STAG1: variants seen among roughly 807,000 people sequenced by gnomAD.
STAG1 encodes the protein cohesin subunit SA-1.
STAG1 carries 26 observed loss-of-function variants against 170.9 expected under a neutral mutation model. The observed-to-expected ratio is 0.15, with a 90% CI of 0.11 to 0.21. STAG1 has a LOEUF of 0.21. STAG1 is among the 10% of genes least tolerant of loss of function. STAG1 has a pLI of 1.00. For synonymous variants in STAG1, 514 were observed against 497.7 expected (o/e 1.03, Z -0.44); for missense variants, 964 against 1,509.5 (o/e 0.64, Z 5.99).
chr3:136,347,216 T>C (rs1336486839), intron 29 of STAG1, among the ~76,000 whole-genome samples: 1 of 151,276 alleles, frequency 6.6e-6, no homozygotes, highest in Non-Finnish European at 1.5e-5. Flanking sequence ...GCCAACATGG[T>C]GAACCCCTAT....
At chr3:136,407,580 G>A (rs2087518613) in intron 21 of STAG1, among the ~76,000 whole-genome samples, 1 of 151,746 alleles carries the variant, frequency 6.6e-6, no homozygotes, top group Admixed American at 6.6e-5. Context: ...TCATGCCTCA[G>A]CCTCTCAAGT....
At chr3:136,744,673 C>CT (rs34241550) in intron 1 of STAG1, among the ~76,000 whole-genome samples, 25,558 of 117,454 alleles carry the variant, frequency 0.22, 3,651 homozygotes, top group Middle Eastern at 0.34. Context: ...CTGCAACCAT[C>CT]TTTTTTTTTT....
At chr3:136,602,603 C>A (rs1938726048) in intron 4 of STAG1, among the ~76,000 whole-genome samples, 1 of 152,022 alleles carries the variant, frequency 6.6e-6, no homozygotes, top group South Asian at 2.1e-4. Flanking sequence ...GTAATCCCAG[C>A]ACTTTGGAAG....
chr3:136,353,744 CA>C (rs1372046793), intron 28 of STAG1, among the ~76,000 whole-genome samples: 1 of 152,068 alleles, frequency 6.6e-6, no homozygotes, highest in Non-Finnish European at 1.5e-5. Flanking sequence ...GGAAGTTAGT[CA>C]AGTTGAAAGC....
chr3:136,654,936 G>A (rs920242440), intron 1 of STAG1, among the ~76,000 whole-genome samples: 3 of 152,096 alleles, frequency 2.0e-5, no homozygotes, highest in Non-Finnish European at 4.4e-5. Context: ...GGAAAAACTG[G>A]GTAGCCACAT....
chr3:136,723,782 T>TG lies in STAG1; in HGVS notation c.-84+28412dup, dbSNP rs1381120804. 9.9e-5 allele frequency among the ~76,000 whole-genome samples: 11 copies of TG among 111,624 alleles called. No homozygotes were observed. In the South Asian group the frequency reaches 2.0e-3, roughly 20 times the overall value. The allele number at this position is 111,624 out of a possible 152,430, so 73.2% of individuals were successfully genotyped here. Reference sequence around the variant, plus strand: ...CCAGCCGCCCCGTCCGGGAAGGAGGTGGGGGGGTCAGCCCCCCGCCCGGCC... The same window carrying TG: ...CCAGCCGCCCCGTCCGGGAAGGAGGTGGGGGGGGTCAGCCCCCCGCCCGGCC... On this transcript the variant is annotated intron_variant, in intron 1 of 33. Coordinates refer to ENST00000383202, the MANE Select transcript of STAG1 (RefSeq NM_005862.3).
At chr3:136,453,991 A>G (rs2089026187) in intron 13 of STAG1, among the ~76,000 whole-genome samples, 1 of 152,040 alleles carries the variant, frequency 6.6e-6, no homozygotes, top group East Asian at 1.9e-4. Context: ...CTATATCTAT[A>G]ATCTATATAG....
chr3:136,547,892 G>A (rs1310143183), intron 5 of STAG1, among the ~76,000 whole-genome samples: 5 of 152,050 alleles, frequency 3.3e-5, no homozygotes, highest in Non-Finnish European at 7.4e-5. Context: ...TGATTTTTGA[G>A]TTAAAGTGTA....
chr3:136,678,337 A>G (rs932668028), intron 1 of STAG1, among the ~76,000 whole-genome samples: 1 of 152,004 alleles, frequency 6.6e-6, no homozygotes, highest in East Asian at 1.9e-4. Context: ...ACATCAATAT[A>G]TAAATAAAAT....
intron 6 of STAG1, among the ~76,000 whole-genome samples, chr3:136,527,871 G>T (rs938655618): frequency 6.6e-6 from 1 of 152,102 alleles, no homozygotes; most frequent in African/African-American, 2.4e-5. Context: ...GTTTTCCTGG[G>T]TATCAGCAGC....
chr3:136,629,516 C>A (rs1030471983), intron 2 of STAG1, among the ~76,000 whole-genome samples: 1 of 151,514 alleles, frequency 6.6e-6, no homozygotes, highest in African/African-American at 2.4e-5. Flanking sequence ...TATATGATAT[C>A]ATGCTCAGGT....
chr3:136,573,454 T>C lies in STAG1; in HGVS notation c.298-4593A>G, dbSNP rs562401651. Among the ~76,000 whole-genome samples the C allele has an allele frequency of 3.9e-5, 6 of 152,104 alleles. No homozygotes were observed. In the East Asian group the frequency reaches 7.7e-4, roughly 20 times the overall value. On this transcript the variant is annotated intron_variant, in intron 4 of 33. Coordinates refer to ENST00000383202, the MANE Select transcript of STAG1 (RefSeq NM_005862.3). ...GGTACACACATAGGGAAGCAAAGGA[T>C]AGAATAATGACACACTTCCCATCAA...
chr3:136,442,598 A>G (rs533625352), intron 15 of STAG1, among the ~76,000 whole-genome samples: 1 of 152,310 alleles, frequency 6.6e-6, no homozygotes, highest in Non-Finnish European at 1.5e-5. Context: ...ATGCAACAAA[A>G]GAGGGGATGG....
intron 12 of STAG1, among the ~76,000 whole-genome samples, chr3:136,467,403 A>G (rs1261911850): frequency 6.6e-6 from 1 of 152,236 alleles, no homozygotes; most frequent in Non-Finnish European, 1.5e-5. Context: ...AGACAGAAAG[A>G]GACAAAGAAG....
At chr3:136,357,673 C>A in intron 28 of STAG1, 47 bp downstream of exon 28, 3 of 1,479,392 alleles carry the variant, frequency 2.0e-6, no homozygotes, top group East Asian at 2.4e-5. Flanking sequence ...TAAACATTTA[C>A]AACAGTATTA....
At chr3:136,419,316 G>A (rs1435313111) in intron 20 of STAG1, among the ~76,000 whole-genome samples, 1 of 152,276 alleles carries the variant, frequency 6.6e-6, no homozygotes, top group South Asian at 2.1e-4. Context: ...GTACTGATTA[G>A]TGCAAAAGCT....
rs552850579 is a variant in STAG1 at position 136,563,301 on chromosome 3, C to G, written c.394+5464G>C. On this transcript the variant is annotated intron_variant, in intron 5 of 33. Coordinates refer to ENST00000383202, the MANE Select transcript of STAG1 (RefSeq NM_005862.3). ...AGTTACGTTGGTTAGTAATTTTACA[C>G]CTTTCAGTGTGGTTGTTATTATGGT... Among the ~76,000 whole-genome samples, 4 of 152,180 alleles carry G rather than the reference C, an allele frequency of 2.6e-5. No homozygotes were observed. The South Asian group carries it at 8.3e-4, about 32-fold the overall frequency.
chr3:136,677,431 T>C (rs531671282), intron 1 of STAG1, among the ~76,000 whole-genome samples: 2 of 152,302 alleles, frequency 1.3e-5, no homozygotes, highest in East Asian at 1.9e-4. Flanking sequence ...ATATGACATA[T>C]GACTATATAT....
chr3:136,611,641 C>A (rs979059681), intron 3 of STAG1, among the ~76,000 whole-genome samples: 11 of 144,376 alleles, frequency 7.6e-5, no homozygotes, highest in African/African-American at 2.8e-4. Context: ...ACTATAAGCA[C>A]TAGCCACCAC....
Sources: gnomAD v4.1 joint callset for allele counts (sites outside exome capture counted in the v4.1 genomes callset) on GRCh38, gnomAD v4.1.1 for gene constraint, MANE v1.5 for transcripts, NCBI Gene and HGNC (gene_info 2026-07-23, HGNC 2026-07-21) for gene names.